The following BIRC6 variants were observed in gnomAD, a reference collection of about 807,000 sequenced individuals.
The protein encoded by BIRC6 is baculoviral IAP repeat containing 6, also known as dual E2 ubiquitin-conjugating enzyme/E3 ubiquitin-protein ligase BIRC6.
BIRC6 carries 98 observed loss-of-function variants against 503.3 expected under a neutral mutation model. The ratio of observed to expected loss-of-function variants is 0.19; its 90% CI spans 0.17 to 0.23. The LOEUF is 0.23. BIRC6 is among the 10% of genes least tolerant of loss of function. The pLI, the probability that BIRC6 is intolerant of heterozygous loss-of-function variation, is 1.00. For synonymous variants in BIRC6, 2,240 were observed against 2,078.7 expected (o/e 1.08, Z -2.11); for missense variants, 5,360 against 5,806.0 (o/e 0.92, Z 2.50).
intron 9 of BIRC6, among the ~76,000 whole-genome samples, chr2:32,414,332 G>T (rs1416875531): frequency 6.6e-6 from 1 of 152,082 alleles, no homozygotes; most frequent in Non-Finnish European, 1.5e-5. Flanking sequence ...AGTTGAATCC[G>T]TGGATGTAGA....
At chr2:32,441,119 T>C (rs1238774312) in intron 16 of BIRC6, among the ~76,000 whole-genome samples, 1 of 152,146 alleles carries the variant, frequency 6.6e-6, no homozygotes, top group African/African-American at 2.4e-5. Context: ...GCCTTTAAAA[T>C]AGTGGCTGTG....
rs1254039883 is a variant in BIRC6, at chr2:32,518,880, C to T, written c.11557C>T (p.His3853Tyr). ...VIQHPMYGAG[H>Y]KFRTLHLPVS... Reference sequence around the variant, plus strand: ...CCAGCATCCAATGTATGGAGCAGGCCACAAATTCCGTACTCTTCATTTGCC... The same window carrying T: ...CCAGCATCCAATGTATGGAGCAGGCTACAAATTCCGTACTCTTCATTTGCC... Residue 3853 changes from histidine to tyrosine, a missense_variant, in exon 57 of 74, where the codon CAC (histidine) becomes TAC (tyrosine). Coordinates refer to ENST00000421745, the MANE Select transcript of BIRC6 (RefSeq NM_016252.4). The T allele has an allele frequency of 6.2e-7, 1 of 1,613,758 alleles. No individual in the cohort carries two copies.
chr2:32,377,185 A>G (rs535959774), intron 1 of BIRC6, among the ~76,000 whole-genome samples: 1 of 151,400 alleles, frequency 6.6e-6, no homozygotes, highest in East Asian at 1.9e-4. Flanking sequence ...ACATTTTACT[A>G]CATTTGCTTA....
Position 32,415,923 on chromosome 2 carries a change from A to G in BIRC6, c.2632A>G (p.Ile878Val), listed in dbSNP as rs780140402. ...DNREDDCEEP[I>V]EDMQLTSKNG... ...TCGAGAGGATGACTGTGAGGAACCT[A>G]TTGAGGACATGCAGTTAACCTCAAA... Residue 878 changes from isoleucine (I) to valine (V), a missense_variant, in exon 10 of 74, where the codon ATT becomes GTT. Around this residue, in one of 16 missense-constraint regions of BIRC6, gnomAD observed 700 missense variants for 739.3 expected, o/e 0.95. Transcript: ENST00000421745. 3.4e-5 allele frequency: 55 copies of G among 1,613,876 alleles called. No individual in the cohort carries two copies. The highest frequency in any genetic ancestry group is 1.6e-4 in the Middle Eastern group (1 of 6,084).
In BIRC6 at chr2:32,467,659, T is replaced by A. The variant is rs1216747709; in HGVS notation, c.5491T>A (p.Leu1831Met). 6.2e-7 allele frequency: 1 copy of A among 1,613,948 alleles called. No individual in the cohort carries two copies. Among genetic ancestry groups the A allele is most frequent in the South Asian group, 1.1e-5 (1 of 91,088 alleles). Residue 1831 changes from leucine to methionine, a missense_variant, in exon 27 of 74, where the codon TTG becomes ATG. Leu to Met is a conservative substitution (Grantham distance 15). This residue lies in a region of BIRC6 where 2,299 missense variants were observed against 2,267.2 expected (regional missense o/e 1.01). Transcript: ENST00000421745. Reference protein sequence around the residue: ...TLGEEVDGRRLVVATDISTHS... With the variant: ...TLGEEVDGRRMVVATDISTHS... ...AGGAGAAGAGGTGGATGGAAGGCGG[T>A]TGGTAGTGGCAACTGATATAAGCAC... is the stretch of plus-strand genomic sequence containing the variant.
chr2:32,591,843 G>A (rs965670896), intron 66 of BIRC6, among the ~76,000 whole-genome samples: 2 of 152,180 alleles, frequency 1.3e-5, no homozygotes, highest in Admixed American at 1.3e-4. Flanking sequence ...TACAACTGGG[G>A]AGTAAGAGTC....
intron 26 of BIRC6, among the ~76,000 whole-genome samples, chr2:32,466,789 T>C (rs2048583479): frequency 6.6e-6 from 1 of 152,178 alleles, no homozygotes; most frequent in Admixed American, 6.5e-5. Flanking sequence ...CTTACTGTTG[T>C]TTTTTTGTTT....
chr2:32,461,043 T>TCTCCTCTCC (rs1558789533), intron 23 of BIRC6, among the ~76,000 whole-genome samples: 2 of 62,078 alleles, frequency 3.2e-5, no homozygotes, highest in Non-Finnish European at 4.0e-5. Flanking sequence ...TTCTCTTCTC[T>TCTCCTCTCC]TCTCTTCTCT....
At chr2:32,359,705 A>G (rs765982874) in intron 1 of BIRC6, among the ~76,000 whole-genome samples, 2 of 152,208 alleles carry the variant, frequency 1.3e-5, no homozygotes, top group Non-Finnish European at 2.9e-5. Flanking sequence ...ATTTTCATAT[A>G]TGAGAAGTGA....
At chr2:32,459,004 G>C (rs577722132) in intron 23 of BIRC6, among the ~76,000 whole-genome samples, 3 of 151,934 alleles carry the variant, frequency 2.0e-5, no homozygotes, top group Non-Finnish European at 4.4e-5. Context: ...TTGTCTTAGC[G>C]TAACAATAGT....
chr2:32,406,572 T>A lies in BIRC6; in HGVS notation c.1477+15T>A. The stretch of plus-strand genomic sequence containing the variant: ...TTCTGTGACAGGTATGTAAAAAGTA[T>A]TAGATAATGTATTTAAAAAATTCTT... On this transcript the variant is annotated intron_variant, in intron 9 of 73. Coordinates refer to ENST00000421745, the MANE Select transcript of BIRC6 (RefSeq NM_016252.4). 1.9e-6 allele frequency: 3 copies of A among 1,577,460 alleles called. No individual in the cohort carries two copies. Among genetic ancestry groups the A allele is most frequent in the Non-Finnish European group, 1.7e-6 (2 of 1,150,956 alleles).
At chr2:32,444,946 G>A (rs2148396421) in intron 20 of BIRC6, among the ~76,000 whole-genome samples, 1 of 152,242 alleles carries the variant, frequency 6.6e-6, no homozygotes, top group Admixed American at 6.5e-5. Flanking sequence ...TTTTAAAGTT[G>A]GGACGCTTAA....
chr2:32,568,983 TC>T (rs200941823), intron 65 of BIRC6, among the ~76,000 whole-genome samples: 5,937 of 109,964 alleles, frequency 0.054, 397 homozygotes, highest in African/African-American at 0.13. Context: ...CATGTCTCTC[TC>T]TTTTTTTTTT....
chr2:32,534,036 A>T (rs1196634429), intron 61 of BIRC6, among the ~76,000 whole-genome samples: 1 of 152,180 alleles, frequency 6.6e-6, no homozygotes, highest in Non-Finnish European at 1.5e-5. Context: ...TATCAAATTA[A>T]GGATACTGTT....
chr2:32,401,644 A>G, intron 8 of BIRC6, 21 bp downstream of exon 8: 4 of 1,581,468 alleles, frequency 2.5e-6, no homozygotes, highest in Non-Finnish European at 3.4e-6. Flanking sequence ...TTGTTTTAGT[A>G]GTATTTAATA....
rs1368346464 is a variant in BIRC6, at chr2:32,558,646, C to T, written c.13144+9165C>T. On this transcript the variant is annotated intron_variant, in intron 65 of 73. Coordinates refer to ENST00000421745, the MANE Select transcript of BIRC6 (RefSeq NM_016252.4). ...TTTTAAAATAATTAAAAGAGAAGTG[C>T]TGCTTACCCTACATTGCATCAGGAG... The T allele has an allele frequency of 2.0e-5, 3 of 152,210 alleles. No individual in the cohort carries two copies. In the East Asian group the frequency reaches 5.8e-4, roughly 29 times the overall value. The allele number at this position is 152,210 out of a possible 1,614,324, so 9.4% of individuals were successfully genotyped here. A position where few individuals can be genotyped will look rare whatever the true frequency, so the allele number is the denominator to read the frequency against.
At chr2:32,593,882 C>G in intron 66 of BIRC6, 33 bp from the exon 67 acceptor site, 1 of 1,581,428 alleles carries the variant, frequency 6.3e-7, no homozygotes, top group Non-Finnish European at 8.6e-7. Context: ...TCTTAATTTT[C>G]CTTGCTTTTC....
chr2:32,420,650 A>G (rs1277012199), intron 10 of BIRC6, among the ~76,000 whole-genome samples: 1 of 152,004 alleles, frequency 6.6e-6, no homozygotes, highest in Non-Finnish European at 1.5e-5. Flanking sequence ...AGTAGCTGGG[A>G]CTACAGGTAC....
chr2:32,448,435 G>C (rs983946639), intron 21 of BIRC6, among the ~76,000 whole-genome samples: 1 of 151,050 alleles, frequency 6.6e-6, no homozygotes, highest in African/African-American at 2.4e-5. Flanking sequence ...GATCACTCGC[G>C]GTTAGGAGCT....
Sources: allele counts gnomAD v4.1 joint callset (sites outside exome capture counted in the v4.1 genomes callset), GRCh38; gene constraint gnomAD v4.1.1; regional missense constraint gnomAD v4.1.1; transcripts MANE v1.5; gene names NCBI Gene and HGNC (gene_info 2026-07-23, HGNC 2026-07-21).